SIPA1L1: variants seen among roughly 807,000 people sequenced by gnomAD.
SIPA1L1 encodes signal-induced proliferation-associated 1-like protein 1.
A neutral mutation model predicts 162.7 loss-of-function variants in SIPA1L1; 26 were observed. That is an observed-to-expected ratio of 0.16 (90% CI 0.12 to 0.22). The LOEUF (loss-of-function observed/expected upper bound fraction) is 0.22, where lower values mean the gene tolerates loss of function less well. SIPA1L1 is among the 10% of genes least tolerant of loss of function. The pLI, the probability that SIPA1L1 is intolerant of heterozygous loss-of-function variation, is 1.00. For synonymous variants in SIPA1L1, 829 were observed against 837.4 expected (o/e 0.99, Z 0.17); for missense variants, 1,874 against 2,241.0 (o/e 0.84, Z 3.31).
At chr14:71,476,823 G>A (rs573374132) in intron 2 of SIPA1L1, among the ~76,000 whole-genome samples, 1 of 151,822 alleles carries the variant, frequency 6.6e-6, no homozygotes, top group East Asian at 1.9e-4. Flanking sequence ...GACTACAGGC[G>A]CCTGCCACCA....
intron 4 of SIPA1L1, among the ~76,000 whole-genome samples, chr14:71,553,030 A>T (rs374278459): frequency 5.9e-5 from 9 of 152,110 alleles, no homozygotes; most frequent in African/African-American, 2.2e-4. Context: ...CAGATTGCCG[A>T]TATCTCCAAA....
At chr14:71,664,530 C>T (rs567582002) in intron 10 of SIPA1L1, among the ~76,000 whole-genome samples, 10 of 152,088 alleles carry the variant, frequency 6.6e-5, no homozygotes, top group Admixed American at 2.0e-4. Context: ...TATCCATCAC[C>T]CCAAGCATTT....
Position 71,724,664 on chromosome 14 carries a change from G to T in SIPA1L1, c.4449-6G>T, listed in dbSNP as rs1313682618. ...GTATCTATCATCTCTTCCCTTTTTTGTCCAGGCGTCATCAGAGCGATGGCA... is the reference window on the plus strand; with the variant it reads ...GTATCTATCATCTCTTCCCTTTTTTTTCCAGGCGTCATCAGAGCGATGGCA... On this transcript the variant is annotated splice_region_variant and splice_polypyrimidine_tract_variant and intron_variant, in intron 18 of 23. Transcript: ENST00000381232. 1.7e-5 allele frequency: 27 copies of T among 1,598,664 alleles called. No homozygotes were observed. The highest frequency in any genetic ancestry group is 1.3e-4 in the Admixed American group (7 of 55,534).
At chr14:71,690,434 G>A (rs1413430262) in intron 13 of SIPA1L1, among the ~76,000 whole-genome samples, 1 of 151,876 alleles carries the variant, frequency 6.6e-6, no homozygotes, top group Non-Finnish European at 1.5e-5. Context: ...TTTTTATAGA[G>A]ACAGTGTCTC....
At chr14:71,723,534 T>C in intron 17 of SIPA1L1, 113 bp from the exon 18 acceptor site, 2 of 1,196,116 alleles carry the variant, frequency 1.7e-6, no homozygotes, top group Non-Finnish European at 2.4e-6. Flanking sequence ...TGTTAATAGT[T>C]CATGAAAAAT....
chr14:71,590,121 A>G (rs1172263718), intron 5 of SIPA1L1, among the ~76,000 whole-genome samples: 2 of 148,896 alleles, frequency 1.3e-5, no homozygotes, highest in East Asian at 2.0e-4. Flanking sequence ...ACACATATAT[A>G]TTTGAGATTA....
chr14:71,535,640 C>T (rs2053829815), intron 4 of SIPA1L1, among the ~76,000 whole-genome samples: 2 of 151,428 alleles, frequency 1.3e-5, no homozygotes, highest in Non-Finnish European at 2.9e-5. Context: ...GAGACAGAGT[C>T]TCAGTCTGTC....
At chr14:71,430,803 C>G (rs2043931070) in intron 2 of SIPA1L1, among the ~76,000 whole-genome samples, 1 of 152,204 alleles carries the variant, frequency 6.6e-6, no homozygotes, top group Non-Finnish European at 1.5e-5. Context: ...TTTTCACCAC[C>G]TGTCAAGTCA....
intron 7 of SIPA1L1, among the ~76,000 whole-genome samples, chr14:71,647,055 T>C (rs1382273086): frequency 2.0e-5 from 3 of 152,136 alleles, no homozygotes; most frequent in African/African-American, 7.2e-5. Flanking sequence ...GGAGCATGGC[T>C]GCTAAGGATT....
chr14:71,378,452 C>T (rs1259642468), intron 2 of SIPA1L1, among the ~76,000 whole-genome samples: 2 of 152,092 alleles, frequency 1.3e-5, no homozygotes, highest in East Asian at 3.8e-4. Flanking sequence ...TTGTTTCATA[C>T]ATTGGGGATT....
chr14:71,674,938 ACAT>A (rs1355225159), intron 12 of SIPA1L1, among the ~76,000 whole-genome samples: 2 of 152,212 alleles, frequency 1.3e-5, no homozygotes, highest in African/African-American at 4.8e-5. Flanking sequence ...TTTAGGTCTA[ACAT>A]CAGAGTCCAG....
chr14:71,545,755 A>G (rs1027474114), intron 4 of SIPA1L1, among the ~76,000 whole-genome samples: 4 of 152,294 alleles, frequency 2.6e-5, no homozygotes, highest in African/African-American at 9.6e-5. Context: ...GAAAATGGAC[A>G]TCTTGCATTA....
At chr14:71,391,192 T>C (rs1416599446) in intron 2 of SIPA1L1, among the ~76,000 whole-genome samples, 2 of 149,188 alleles carry the variant, frequency 1.3e-5, no homozygotes, top group Non-Finnish European at 3.0e-5. Flanking sequence ...CTGCAAGCTC[T>C]GCCTCCCAGG....
intron 2 of SIPA1L1, among the ~76,000 whole-genome samples, chr14:71,443,395 CATTG>C (rs1252523058): frequency 6.6e-6 from 1 of 152,078 alleles, no homozygotes; most frequent in Non-Finnish European, 1.5e-5. Flanking sequence ...AATATTTAAT[CATTG>C]ATAAAGAATT....
In SIPA1L1 at chr14:71,671,737, A is replaced by C. The variant is rs544803528; in HGVS notation, c.2829+45A>C. 20 of 1,452,490 alleles carry C rather than the reference A, an allele frequency of 1.4e-5. No homozygotes were observed. The African/African-American group carries it at 2.7e-4, about 20-fold the overall frequency. The allele number at this position is 1,452,490 out of a possible 1,614,324, so 90.0% of individuals were successfully genotyped here. A position where few individuals can be genotyped will look rare whatever the true frequency, so the allele number is the denominator to read the frequency against. On this transcript the variant is annotated intron_variant, in intron 11 of 23. Coordinates refer to ENST00000381232, the MANE Select transcript of SIPA1L1 (RefSeq NM_001386936.1). ...TCCTTACATGCAGTTTCTCTTTCAT[A>C]AAGTTTTCAATACAGACTAGAGCCA...
chr14:71,577,690 T>C (rs564883903), intron 4 of SIPA1L1, among the ~76,000 whole-genome samples: 1 of 151,676 alleles, frequency 6.6e-6, no homozygotes, highest in South Asian at 2.1e-4. Flanking sequence ...CACTTTGTGT[T>C]ATACACAATT....
chr14:71,709,540 G>A lies in SIPA1L1; in HGVS notation c.4084G>A (p.Gly1362Ser), dbSNP rs780475906. ...TCGGACTTTGGAGACAGAGAGCCAC[G>A]GCCTGGACCGGAAAACAGAGTCTTC... is the stretch of plus-strand genomic sequence containing the variant. ...ADRTLETESH[G>S]LDRKTESSLS... The change falls in exon 17 of 24, where the codon GGC becomes AGC. Residue 1362 changes from glycine (G) to serine (S), a missense_variant. Coordinates refer to ENST00000381232, the MANE Select transcript of SIPA1L1 (RefSeq NM_001386936.1). The A allele has an allele frequency of 1.1e-5, 17 of 1,614,044 alleles. No homozygotes were observed. The highest frequency in any genetic ancestry group is 6.7e-5 in the East Asian group (3 of 44,894).
At chr14:71,346,067 C>G (rs898204358) in intron 2 of SIPA1L1, among the ~76,000 whole-genome samples, 3 of 151,856 alleles carry the variant, frequency 2.0e-5, no homozygotes, top group African/African-American at 7.3e-5. Context: ...GCCACCACGC[C>G]CAGCTAATTT....
At chr14:71,604,261 C>G (rs2037214236) in intron 5 of SIPA1L1, among the ~76,000 whole-genome samples, 1 of 151,926 alleles carries the variant, frequency 6.6e-6, no homozygotes, top group African/African-American at 2.4e-5. Flanking sequence ...TCCCACAGTG[C>G]TAGAACAATA....
Sources: allele counts gnomAD v4.1 joint callset (sites outside exome capture counted in the v4.1 genomes callset), GRCh38; gene constraint gnomAD v4.1.1; transcripts MANE v1.5; gene names NCBI Gene and HGNC (gene_info 2026-07-23, HGNC 2026-07-21).